CAMK2D: variants seen among roughly 807,000 people sequenced by gnomAD.
The protein encoded by CAMK2D is calcium/calmodulin dependent protein kinase II delta.
Under a neutral mutation model 84.0 loss-of-function variants are expected in CAMK2D, and 37 were observed. That is an observed-to-expected ratio of 0.44 (90% CI 0.34 to 0.58). The LOEUF (loss-of-function observed/expected upper bound fraction) is 0.58. Ranked by LOEUF, CAMK2D falls within the 20% of genes least tolerant of loss-of-function variation. The probability of loss-of-function intolerance (pLI) is 0.02; values close to 1 mark genes in which losing one functional copy is unlikely to be tolerated. For synonymous variants in CAMK2D, 202 were observed against 212.5 expected, an observed-to-expected ratio of 0.95 and a Z score of 0.43; for missense variants, 448 against 652.5, an observed-to-expected ratio of 0.69 and a Z score of 3.41.
chr4:113,667,563 G>A (rs1245349454), intron 2 of CAMK2D, among the ~76,000 whole-genome samples: 1 of 152,250 alleles, frequency 6.6e-6, no homozygotes, highest in East Asian at 1.9e-4. Context: ...CTCACTGAAT[G>A]AGGCATTTCT....
At chr4:113,563,538 G>C (rs2098708488) in intron 4 of CAMK2D, among the ~76,000 whole-genome samples, 1 of 152,168 alleles carries the variant, frequency 6.6e-6, no homozygotes, top group Non-Finnish European at 1.5e-5. Flanking sequence ...GAACCATTTT[G>C]CTGGACCCTA....
chr4:113,761,502 G>A lies in CAMK2D; in HGVS notation c.-434C>T, dbSNP rs1594301841. ...AGAAGCAGAGGGGAGGGAGTCCGAGGGGGCGGAGGTGGAGTGCAGCGGGGC... is the reference window on the plus strand; with the variant it reads ...AGAAGCAGAGGGGAGGGAGTCCGAGAGGGCGGAGGTGGAGTGCAGCGGGGC... On this transcript the variant is annotated 5_prime_UTR_variant, in exon 1 of 21. Transcript: ENST00000511664. 3.8e-6 allele frequency: 4 copies of A among 1,042,958 alleles called. No individual in the cohort carries two copies. In the East Asian group the frequency reaches 3.6e-4, roughly 93 times the overall value. 64.6% of individuals were successfully genotyped at this position (1,042,958 alleles called of 1,614,324 possible). A position where few individuals can be genotyped will look rare whatever the true frequency, so the allele number is the denominator to read the frequency against.
intron 3 of CAMK2D, among the ~76,000 whole-genome samples, chr4:113,632,151 T>G (rs1335473049): frequency 2.0e-5 from 3 of 152,200 alleles, no homozygotes; most frequent in Non-Finnish European, 4.4e-5. Flanking sequence ...AGTGGAAACA[T>G]TCTCCAAATC....
At chr4:113,542,111 C>T (rs1182454972) in intron 6 of CAMK2D, among the ~76,000 whole-genome samples, 3 of 152,174 alleles carry the variant, frequency 2.0e-5, no homozygotes, top group African/African-American at 7.2e-5. Flanking sequence ...ACATTATCAG[C>T]ACACACTGCT....
intron 4 of CAMK2D, among the ~76,000 whole-genome samples, chr4:113,592,775 T>C (rs1439143311): frequency 1.3e-5 from 2 of 152,202 alleles, no homozygotes; most frequent in Non-Finnish European, 2.9e-5. Flanking sequence ...CTCCAGCTAA[T>C]GAATTATTAT....
At chr4:113,719,769 G>A (rs900801912) in intron 2 of CAMK2D, among the ~76,000 whole-genome samples, 4 of 152,066 alleles carry the variant, frequency 2.6e-5, no homozygotes, top group Non-Finnish European at 5.9e-5. Context: ...TATTATATGG[G>A]ATCCCAAATT....
intron 3 of CAMK2D, among the ~76,000 whole-genome samples, chr4:113,659,784 G>A (rs1245790099): frequency 6.6e-6 from 1 of 152,182 alleles, no homozygotes; most frequent in South Asian, 2.1e-4. Context: ...TTTTGTCAGA[G>A]TAAAATGCTT....
intron 3 of CAMK2D, among the ~76,000 whole-genome samples, chr4:113,656,603 C>T (rs1007857436): frequency 1.3e-5 from 2 of 152,068 alleles, no homozygotes; most frequent in Admixed American, 6.6e-5. Context: ...ATCTGGTTAA[C>T]GAAACCCTAC....
chr4:113,651,493 T>C (rs1410280813), intron 3 of CAMK2D, among the ~76,000 whole-genome samples: 1 of 152,158 alleles, frequency 6.6e-6, no homozygotes, highest in African/African-American at 2.4e-5. Context: ...ATAATTGAAC[T>C]CTAAAGTACA....
intron 3 of CAMK2D, among the ~76,000 whole-genome samples, chr4:113,647,928 G>C (rs1396954436): frequency 6.6e-6 from 1 of 152,166 alleles, no homozygotes; most frequent in South Asian, 2.1e-4. Flanking sequence ...AGTTCTCTTA[G>C]AGAGTTCCTA....
intron 1 of CAMK2D, 34 bp from the exon 2 acceptor site, chr4:113,759,448 A>G: frequency 8.0e-7 from 1 of 1,245,284 alleles, no homozygotes; most frequent in Non-Finnish European, 1.1e-6. Flanking sequence ...CATTAATATA[A>G]CAGATATAAT....
At chr4:113,742,712 C>T (rs1015399911) in intron 2 of CAMK2D, among the ~76,000 whole-genome samples, 10 of 151,826 alleles carry the variant, frequency 6.6e-5, no homozygotes, top group African/African-American at 1.9e-4. Context: ...AAGCCCCAAT[C>T]GTCACAGTCA....
intron 18 of CAMK2D, among the ~76,000 whole-genome samples, chr4:113,459,375 T>C (rs895517292): frequency 5.9e-5 from 9 of 152,168 alleles, no homozygotes; most frequent in South Asian, 4.2e-4. Flanking sequence ...CTTGTCATCA[T>C]GACTGGTTAA....
intron 16 of CAMK2D, among the ~76,000 whole-genome samples, chr4:113,479,606 TAAA>T (rs2097673938): frequency 6.6e-6 from 1 of 152,178 alleles, no homozygotes; most frequent in East Asian, 1.9e-4. Flanking sequence ...ACAAACACTT[TAAA>T]AAAACCATCA....
chr4:113,730,407 T>C (rs1260638650), intron 2 of CAMK2D, among the ~76,000 whole-genome samples: 4 of 152,202 alleles, frequency 2.6e-5, no homozygotes, highest in Non-Finnish European at 5.9e-5. Context: ...TTTATATCCA[T>C]AGCAGAAAGG....
rs568757736 is a variant in CAMK2D at position 113,496,594 on chromosome 4, G to A, written c.1135+3869C>T. On this transcript the variant is annotated intron_variant, in intron 16 of 20. Transcript: ENST00000511664. ...CTCCCGAGTTGCTGGGATTACAGGC[G>A]CGTACCACAGTGCCCAGCTAATTTT... Among the ~76,000 whole-genome samples the A allele has an allele frequency of 1.7e-4, 26 of 151,900 alleles. No homozygotes were observed. In the South Asian group the frequency reaches 4.2e-3, roughly 24 times the overall value.
At chr4:113,571,678 A>G (rs980747552) in intron 4 of CAMK2D, among the ~76,000 whole-genome samples, 2 of 152,216 alleles carry the variant, frequency 1.3e-5, no homozygotes, top group African/African-American at 4.8e-5. Context: ...GTTCAAGCCT[A>G]GCCTGGCCAA....
At chr4:113,734,893 T>TG (rs1484123432) in intron 2 of CAMK2D, among the ~76,000 whole-genome samples, 1 of 106,410 alleles carries the variant, frequency 9.4e-6, no homozygotes, top group East Asian at 2.5e-4. Context: ...TTTAGGAAAA[T>TG]GGAAAAAAAA....
At chr4:113,655,646 C>T (rs796983390) in intron 3 of CAMK2D, among the ~76,000 whole-genome samples, 2 of 152,064 alleles carry the variant, frequency 1.3e-5, no homozygotes, top group South Asian at 2.1e-4. Flanking sequence ...GGGAATGGGA[C>T]AACCCGGCAA....
Sources: allele counts gnomAD v4.1 joint callset (sites outside exome capture counted in the v4.1 genomes callset), GRCh38; gene constraint gnomAD v4.1.1; transcripts MANE v1.5; gene names NCBI Gene and HGNC (gene_info 2026-07-23, HGNC 2026-07-21).